Variants in GSDMD observed in about 807,000 individuals in gnomAD.
The protein encoded by GSDMD is gasdermin D.
In GSDMD, 46 loss-of-function variants were observed where a neutral mutation model predicts 46.7. That is an observed-to-expected ratio of 0.99 (90% CI 0.78 to 1.26). The LOEUF is 1.26. Among genes scored for constraint, GSDMD ranks in the 50% most tolerant of loss-of-function variants. The pLI, the probability that GSDMD is intolerant of heterozygous loss-of-function variation, is 0.00. For missense variants in GSDMD, 649 were observed against 638.8 expected (o/e 1.02, Z -0.17); for synonymous variants, 307 against 283.1 (o/e 1.08, Z -0.85).
Position 143,559,533 on chromosome 8 carries a change from G to A in GSDMD, c.198G>A (p.Glu66=). ...ACCTGTCTATCAAGGACATCCTGGA[G>A]CCGGATGCCGCGGAACCAGGTGCCT... is the stretch of plus-strand genomic sequence containing the variant. ...CVNLSIKDIL[E]PDAAEPDVQR... is the part of the protein sequence containing the mutation. The change falls in exon 2 of 11, where the codon GAG becomes GAA. Residue 66 remains glutamate, a synonymous_variant. Coordinates refer to ENST00000262580, the MANE Select transcript of GSDMD (RefSeq NM_024736.7). The A allele has an allele frequency of 6.2e-7, 1 of 1,612,642 alleles. No homozygotes were observed.
At position 143,562,912 on chromosome 8, in the gene GSDMD, C is replaced by G. The variant is rs753097295; in HGVS notation, c.*8C>G. ...AGCCAGGAGCCCCACTAGCCTGTGC[C>G]CGGGCATGGCCTGGCAGCTCTCCAG... On this transcript the variant is annotated 3_prime_UTR_variant, in exon 11 of 11. Coordinates refer to ENST00000262580, the MANE Select transcript of GSDMD (RefSeq NM_024736.7). The G allele has an allele frequency of 1.2e-6, 2 of 1,611,842 alleles. No homozygotes were observed. The highest frequency in any genetic ancestry group is 2.2e-5 in the South Asian group (2 of 91,030).
chr8:143,559,019 C>G, intron 1 of GSDMD: 1 of 438,630 alleles, frequency 2.3e-6, no homozygotes, highest in Non-Finnish European at 4.1e-6. Context: ...CAGCTTGTTT[C>G]CTCCCAGCCA....
chr8:143,560,942 G>C, intron 4 of GSDMD, 60 bp from the exon 5 acceptor site: 1 of 1,512,958 alleles, frequency 6.6e-7, no homozygotes, highest in Non-Finnish European at 9.0e-7. Flanking sequence ...CACCCGGCCC[G>C]CACCCGCACC....
At position 143,562,703 on chromosome 8, in the gene GSDMD, C is replaced by T; in HGVS notation, c.1254C>T (p.Arg418=). ...AGCAGAGTGCCCCGTGGCAGGAGCGCAGCACCATGTCCCTGCCCCCCGGGC... is the reference window on the plus strand; with the variant it reads ...AGCAGAGTGCCCCGTGGCAGGAGCGTAGCACCATGTCCCTGCCCCCCGGGC... ...LLEQSAPWQE[R]STMSLPPGLL... is the part of the protein sequence containing the mutation. Residue 418 remains arginine (R), a synonymous_variant, in exon 11 of 11, where the codon CGC becomes CGT. Coordinates refer to ENST00000262580, the MANE Select transcript of GSDMD (RefSeq NM_024736.7). The T allele has an allele frequency of 6.2e-7, 1 of 1,601,134 alleles. No homozygotes were observed. The highest frequency in any genetic ancestry group is 8.5e-7 in the Non-Finnish European group (1 of 1,174,114).
At chr8:143,558,517 C>T (rs900537357) in intron 1 of GSDMD, 66 bp downstream of exon 1, 3 of 1,356,782 alleles carry the variant, frequency 2.2e-6, no homozygotes, top group Non-Finnish European at 2.9e-6. Flanking sequence ...GCCGCTGGCT[C>T]CCGGGTGGGG....
intron 6 of GSDMD, 150 bp from the exon 7 acceptor site, chr8:143,561,592 G>C: frequency 1.1e-6 from 1 of 903,404 alleles, no homozygotes; most frequent in Non-Finnish European, 1.7e-6. Context: ...AGCTGACCCT[G>C]GGCCTCCCCA....
At chr8:143,560,254 G>C (rs1823419903) in intron 3 of GSDMD, 1 of 687,070 alleles carries the variant, frequency 1.5e-6, no homozygotes. Flanking sequence ...GCCGGAACCA[G>C]CTTGCAGGAA....
chr8:143,559,857 G>A lies in GSDMD; in HGVS notation c.298G>A (p.Gly100Arg). 1 of 1,612,796 alleles carries A rather than the reference G, an allele frequency of 6.2e-7. No individual in the cohort carries two copies. The highest frequency in any genetic ancestry group is 8.5e-7 in the Non-Finnish European group (1 of 1,179,976). ...IQGSVELAAP[G>R]QAKIAGGAAV... Reference sequence around the variant, plus strand: ...GGGCAGCGTGGAGCTGGCAGCCCCAGGACAGGCAAAGATCGCAGGCGGGGC... The same window carrying A: ...GGGCAGCGTGGAGCTGGCAGCCCCAAGACAGGCAAAGATCGCAGGCGGGGC... Residue 100 changes from glycine (G) to arginine (R), a missense_variant, in exon 3 of 11, where the codon GGA becomes AGA. Gly to Arg is a moderately radical substitution (Grantham distance 125). Transcript: ENST00000262580.
At chr8:143,553,688 G>C (rs1823250655), upstream of GSDMD, 6 of 146,946 alleles carry the variant, frequency 4.1e-5, no homozygotes, top group Admixed American at 4.0e-4. Flanking sequence ...AGCACTTCCC[G>C]TTCGGGGTGA....
chr8:143,562,806 A>G lies in GSDMD; in HGVS notation c.1357A>G (p.Thr453Ala), dbSNP rs138643473. Residue 453 changes from threonine (T) to alanine (A), a missense_variant, in exon 11 of 11, where the codon ACT becomes GCT. By Grantham distance (58) the Thr-to-Ala change is moderately conservative (BLOSUM62 0). Coordinates refer to ENST00000262580, the MANE Select transcript of GSDMD (RefSeq NM_024736.7). ...GTGTGGCCTAGAGCTGGGGGAGGAC[A>G]CTCCCCACGTGTGCTGGGAGCCGCA... is the stretch of plus-strand genomic sequence containing the variant. Reference protein sequence around the residue: ...DECGLELGEDTPHVCWEPQAQ... With the variant: ...DECGLELGEDAPHVCWEPQAQ... The G allele has an allele frequency of 1.4e-3, 2,279 of 1,604,002 alleles. 27 individuals are homozygous for G. The African/African-American group carries it at 0.027, about 19-fold the overall frequency.
chr8:143,560,555 G>T, intron 3 of GSDMD, 48 bp from the exon 4 acceptor site: 1 of 1,516,730 alleles, frequency 6.6e-7, no homozygotes, highest in Non-Finnish European at 8.9e-7. Context: ...GAGGGAAGAC[G>T]CCTTCAGGGG....
upstream of GSDMD, among the ~76,000 whole-genome samples, chr8:143,557,254 C>T (rs1396752228): frequency 2.0e-5 from 3 of 151,124 alleles, no homozygotes; most frequent in Admixed American, 6.6e-5. Flanking sequence ...AGTCTATGCA[C>T]GCCTCAGTGG....
Position 143,560,627 on chromosome 8 carries a change from A to G in GSDMD, c.435A>G (p.Lys145=). 1 of 1,588,992 alleles carries G rather than the reference A, an allele frequency of 6.3e-7. No homozygotes were observed. The highest frequency in any genetic ancestry group is 8.6e-7 in the Non-Finnish European group (1 of 1,168,254). Residue 145 remains lysine (K), a synonymous_variant, in exon 4 of 11, where the codon AAA becomes AAG. Coordinates refer to ENST00000262580, the MANE Select transcript of GSDMD (RefSeq NM_024736.7). ...HERHLRQPEH[K]VLQQLRSRGD... ...GGCACCTGCGGCAGCCAGAACACAA[A>G]GTCCTGCAGCAGCTGCGCAGCCGCG...
At chr8:143,561,300 T>G in intron 5 of GSDMD, 70 bp from the exon 6 acceptor site, 6 of 1,446,610 alleles carry the variant, frequency 4.1e-6, no homozygotes, top group African/African-American at 1.4e-5. Flanking sequence ...GAGCTCCTAG[T>G]AGGGGAGGGG....
At chr8:143,556,415 A>G (rs2130557684), upstream of GSDMD, among the ~76,000 whole-genome samples, 1 of 152,162 alleles carries the variant, frequency 6.6e-6, no homozygotes, top group Non-Finnish European at 1.5e-5. Flanking sequence ...TGTGGTGCTG[A>G]GCACCTGTAG....
At chr8:143,555,478 G>T (rs1019730778), upstream of GSDMD, among the ~76,000 whole-genome samples, 1 of 152,234 alleles carries the variant, frequency 6.6e-6, no homozygotes, top group Non-Finnish European at 1.5e-5. Flanking sequence ...CCCCAGCCAG[G>T]ACCTTGACCC....
At position 143,560,684 on chromosome 8, in the gene GSDMD, G is replaced by A. The variant is rs11551202; in HGVS notation, c.492G>A (p.Leu164=). The change falls in exon 4 of 11, where the codon CTG becomes CTA. Residue 164 remains leucine, a synonymous_variant. Transcript: ENST00000262580. ...ACGTGTACGTGGTGACTGAGGTGCT[G>A]CAGACACAGAAGGAGGTGGAAGTCA... ...GDNVYVVTEV[L]QTQKEVEVTR... 0.19 allele frequency: 301,356 copies of A among 1,585,254 alleles called. 29,826 individuals carry two copies. The highest frequency in any genetic ancestry group is 0.27 in the Middle Eastern group (1,626 of 6,008).
At chr8:143,556,632 G>A (rs1184080440), upstream of GSDMD, among the ~76,000 whole-genome samples, 2 of 152,244 alleles carry the variant, frequency 1.3e-5, no homozygotes, top group Non-Finnish European at 2.9e-5. Context: ...TGTCCCCACT[G>A]TGGTCAGGCC....
At chr8:143,560,061 G>A (rs1352265844) in intron 3 of GSDMD, 92 bp downstream of exon 3, 4 of 1,262,558 alleles carry the variant, frequency 3.2e-6, no homozygotes, top group Admixed American at 2.0e-5. Context: ...ATTTTTTGAG[G>A]TGAGGTTTTG....
Sources: allele counts gnomAD v4.1 joint callset (sites outside exome capture counted in the v4.1 genomes callset), GRCh38; gene constraint gnomAD v4.1.1; transcripts MANE v1.5; gene names NCBI Gene and HGNC (gene_info 2026-07-23, HGNC 2026-07-21).